The following RTN1 variants were observed in gnomAD, a reference collection of about 807,000 sequenced individuals.
RTN1 encodes reticulon 1, also known as reticulon-1.
Under a neutral mutation model 65.5 loss-of-function variants are expected in RTN1, and 25 were observed. The ratio of observed to expected loss-of-function variants is 0.38; its 90% CI spans 0.28 to 0.53. The LOEUF is 0.53. RTN1 is among the 20% of genes least tolerant of loss of function. RTN1 has a pLI of 0.79. For synonymous variants in RTN1, 471 were observed against 447.6 expected (o/e 1.05, Z -0.66); for missense variants, 983 against 1,025.4 (o/e 0.96, Z 0.57).
intron 1 of RTN1, among the ~76,000 whole-genome samples, chr14:59,751,661 T>A (rs1391544695): frequency 1.3e-5 from 2 of 152,138 alleles, no homozygotes; most frequent in Non-Finnish European, 2.9e-5. Context: ...TGTATCTCAG[T>A]CATTATCATC....
rs145974488 is a variant in RTN1, at chr14:59,732,824, T to C, written c.1016-5156A>G. The stretch of plus-strand genomic sequence containing the variant: ...ATCCAGGGAGCTGAGCAGTGTCGTT[T>C]TGTGGGCCCCACTTCTATGGCACCT... On this transcript the variant is annotated intron_variant, in intron 2 of 8. Transcript: ENST00000267484. 1.2e-4 allele frequency among the ~76,000 whole-genome samples: 19 copies of C among 152,324 alleles called. 2 individuals carry two copies. In the East Asian group the frequency reaches 3.7e-3, roughly 29 times the overall value.
chr14:59,746,593 A>C (rs1885232793), intron 1 of RTN1, 112 bp from the exon 2 acceptor site: 1 of 910,820 alleles, frequency 1.1e-6, no homozygotes, highest in Admixed American at 2.8e-5. Flanking sequence ...CTTTCTCCTT[A>C]AGCCCTCGGA....
intron 3 of RTN1, among the ~76,000 whole-genome samples, chr14:59,626,163 T>G (rs1488772108): frequency 6.6e-6 from 1 of 152,204 alleles, no homozygotes; most frequent in Non-Finnish European, 1.5e-5. Context: ...TTTTTTCAAT[T>G]ACTGTGGCTA....
rs187904485 is a variant in RTN1, at chr14:59,749,533, C to A, written c.242-3052G>T. ...TAGATATCTATATATTTATATATAT[C>A]TATCTATATATATTTATATAGATAT... On this transcript the variant is annotated intron_variant, in intron 1 of 8. Coordinates refer to ENST00000267484, the MANE Select transcript of RTN1 (RefSeq NM_021136.3). Among the ~76,000 whole-genome samples, 285 of 38,626 alleles carry A rather than the reference C, an allele frequency of 7.4e-3. 64 individuals carry two copies. The highest frequency in any genetic ancestry group is 0.056 in the African/African-American group (231 of 4,146). The allele number at this position is 38,626 out of a possible 152,430, so 25.3% of individuals were successfully genotyped here. A position where few individuals can be genotyped will look rare whatever the true frequency, so the allele number is the denominator to read the frequency against.
intron 3 of RTN1, among the ~76,000 whole-genome samples, chr14:59,693,956 A>G (rs1028693996): frequency 7.2e-5 from 11 of 152,312 alleles, no homozygotes; most frequent in African/African-American, 2.6e-4. Flanking sequence ...TCTGAAGATG[A>G]GTTTTCTGCT....
chr14:59,772,679 G>T (rs1885981274), intron 1 of RTN1, among the ~76,000 whole-genome samples: 1 of 152,098 alleles, frequency 6.6e-6, no homozygotes, highest in Non-Finnish European at 1.5e-5. Flanking sequence ...AGCCTGGGCT[G>T]TAGAAAACAC....
At chr14:59,753,279 G>A (rs1885569170) in intron 1 of RTN1, among the ~76,000 whole-genome samples, 1 of 152,060 alleles carries the variant, frequency 6.6e-6, no homozygotes, top group South Asian at 2.1e-4. Flanking sequence ...CTACCCTACT[G>A]GCTCTGTCTT....
chr14:59,744,410 G>A (rs1423633105), intron 2 of RTN1, among the ~76,000 whole-genome samples: 1 of 152,154 alleles, frequency 6.6e-6, no homozygotes, highest in South Asian at 2.1e-4. Context: ...CACAGGGTGG[G>A]GTGAGGAGTT....
intron 1 of RTN1, among the ~76,000 whole-genome samples, chr14:59,757,019 T>C (rs987424502): frequency 2.0e-5 from 3 of 152,100 alleles, no homozygotes; most frequent in South Asian, 2.1e-4. Context: ...TTTATTCTTA[T>C]TATTTTTTGA....
At chr14:59,687,839 C>T (rs1270503291) in intron 3 of RTN1, among the ~76,000 whole-genome samples, 1 of 152,008 alleles carries the variant, frequency 6.6e-6, no homozygotes, top group Non-Finnish European at 1.5e-5. Flanking sequence ...TGGTCAGCAG[C>T]CTGAGTCATC....
intron 1 of RTN1, among the ~76,000 whole-genome samples, chr14:59,778,822 T>C (rs1886100594): frequency 6.6e-6 from 1 of 151,794 alleles, no homozygotes; most frequent in African/African-American, 2.4e-5. Flanking sequence ...GCCCCTGAGA[T>C]CAAGCAAACA....
chr14:59,825,031 A>G lies in RTN1; in HGVS notation c.241+45359T>C, dbSNP rs939721118. ...TGCTGGTCAAAGGGTAAAAACTTTC[A>G]GTTACAAGATAAATAAGTTCTGGAA... On this transcript the variant is annotated intron_variant, in intron 1 of 8. Coordinates refer to ENST00000267484, the MANE Select transcript of RTN1 (RefSeq NM_021136.3). The surrounding 1 kb of genome is among the most constrained non-coding windows in gnomAD (Gnocchi z 4.2). 2.0e-5 allele frequency among the ~76,000 whole-genome samples: 3 copies of G among 152,214 alleles called. No homozygotes were observed. Among genetic ancestry groups the G allele is most frequent in the African/African-American group, 4.8e-5 (2 of 41,464 alleles).
intron 3 of RTN1, among the ~76,000 whole-genome samples, chr14:59,689,153 A>G (rs576966437): frequency 2.0e-5 from 3 of 152,294 alleles, no homozygotes; most frequent in Non-Finnish European, 4.4e-5. Flanking sequence ...CTCATTTAAG[A>G]AATTTCAATA....
chr14:59,830,323 T>C (rs1473870579), intron 1 of RTN1, among the ~76,000 whole-genome samples: 2 of 152,362 alleles, frequency 1.3e-5, no homozygotes, highest in East Asian at 3.9e-4. Context: ...TGTAAGATTA[T>C]CGAACAGCAA....
At chr14:59,669,240 T>C (rs1260273840) in intron 3 of RTN1, among the ~76,000 whole-genome samples, 1 of 151,896 alleles carries the variant, frequency 6.6e-6, no homozygotes, top group Non-Finnish European at 1.5e-5. Context: ...ATTAAGAAAA[T>C]GTGGCACATA....
Position 59,766,034 on chromosome 14 carries a change from A to G in RTN1, c.242-19553T>C, listed in dbSNP as rs8020206. Among the ~76,000 whole-genome samples, 13,379 of 152,248 alleles carry G rather than the reference A, an allele frequency of 0.088. 1,824 individuals carry two copies. Among genetic ancestry groups the G allele is most frequent in the African/African-American group, 0.29 (12,171 of 41,488 alleles). On this transcript the variant is annotated intron_variant, in intron 1 of 8. Coordinates refer to ENST00000267484, the MANE Select transcript of RTN1 (RefSeq NM_021136.3). The surrounding 1 kb of genome is among the most constrained non-coding windows in gnomAD (Gnocchi z 4.4). ...CACCTGAGGTCAGGGGTTCAAGATCAGCCTGGCCAATATGGTGAAACCCAG... is the reference window on the plus strand; with the variant it reads ...CACCTGAGGTCAGGGGTTCAAGATCGGCCTGGCCAATATGGTGAAACCCAG...
chr14:59,796,234 A>G (rs1283394040), intron 1 of RTN1, among the ~76,000 whole-genome samples: 1 of 152,192 alleles, frequency 6.6e-6, no homozygotes, highest in Non-Finnish European at 1.5e-5. Context: ...GTGGCCTAGG[A>G]GCAATAGGCT....
chr14:59,647,479 CAA>C (rs1294620960), intron 3 of RTN1, among the ~76,000 whole-genome samples: 1 of 152,164 alleles, frequency 6.6e-6, no homozygotes, highest in African/African-American at 2.4e-5. Context: ...CTCTCCACCC[CAA>C]AACAACAGAC....
Position 59,641,849 on chromosome 14 carries a change from T to A in RTN1, c.1766-34357A>T, listed in dbSNP as rs568870429. Among the ~76,000 whole-genome samples, 3 of 152,364 alleles carry A rather than the reference T, an allele frequency of 2.0e-5. No individual in the cohort carries two copies. In the South Asian group the frequency reaches 6.2e-4, roughly 32 times the overall value. On this transcript the variant is annotated intron_variant, in intron 3 of 8. Coordinates refer to ENST00000267484, the MANE Select transcript of RTN1 (RefSeq NM_021136.3). ...GGGCTTTTATATATCATTGGTGCTA[T>A]AAACACCAAATTATATAACAGTTTT...
Sources: allele counts gnomAD v4.1 joint callset (sites outside exome capture counted in the v4.1 genomes callset), GRCh38; gene constraint gnomAD v4.1.1; non-coding constraint Gnocchi (gnomAD v3.1); transcripts MANE v1.5; gene names NCBI Gene and HGNC (gene_info 2026-07-23, HGNC 2026-07-21).